KLRG1: variants seen among roughly 807,000 people sequenced by gnomAD.
KLRG1 encodes the protein killer cell lectin-like receptor subfamily G member 1.
KLRG1 carries 16 observed loss-of-function variants against 21.8 expected under a neutral mutation model. That is an observed-to-expected ratio of 0.73 (90% CI 0.50 to 1.11). The LOEUF (loss-of-function observed/expected upper bound fraction) is 1.11. KLRG1 is among the 50% of genes most tolerant of loss of function. The probability of loss-of-function intolerance (pLI) is 0.00; values close to 1 mark genes in which losing one functional copy is unlikely to be tolerated. For missense variants in KLRG1, 173 were observed against 218.3 expected, an observed-to-expected ratio of 0.79 and a Z score of 1.31; for synonymous variants, 69 against 75.9, an observed-to-expected ratio of 0.91 and a Z score of 0.47.
At chr12:8,960,356 A>G (rs1043210869) in intron 1 of KLRG1, among the ~76,000 whole-genome samples, 26 of 152,226 alleles carry the variant, frequency 1.7e-4, no homozygotes, top group Non-Finnish European at 1.5e-5. Flanking sequence ...ATAACTACAG[A>G]GGAATCCTCT....
At chr12:9,201,515 G>A in the KLRG1 span, among the ~76,000 whole-genome samples, 1 of 152,086 alleles carries the variant, frequency 6.6e-6, no homozygotes, top group Non-Finnish European at 1.5e-5. Flanking sequence ...ATAGTTCTAG[G>A]ATGAGCATAC....
chr12:8,997,044 C>A (rs1356192445), intron 3 of KLRG1, among the ~76,000 whole-genome samples: 1 of 152,130 alleles, frequency 6.6e-6, no homozygotes, highest in African/African-American at 2.4e-5. Context: ...GGGAAAATGG[C>A]AATATTTCTG....
chr12:9,123,777 AT>A, the KLRG1 span, among the ~76,000 whole-genome samples: 3 of 151,300 alleles, frequency 2.0e-5, no homozygotes, highest in Non-Finnish European at 4.4e-5. Context: ...CAATTAGAGT[AT>A]TTTCCTAGAT....
chr12:9,033,316 A>G, the KLRG1 span, among the ~76,000 whole-genome samples: 1 of 152,142 alleles, frequency 6.6e-6, no homozygotes, highest in Non-Finnish European at 1.5e-5. Flanking sequence ...AAGGTGGTTT[A>G]TATCTGTAGT....
At chr12:8,977,193 A>G (rs1428844650) in intron 1 of KLRG1, among the ~76,000 whole-genome samples, 1 of 144,344 alleles carries the variant, frequency 6.9e-6, no homozygotes, top group Admixed American at 7.4e-5. Context: ...TAGACATTGC[A>G]TCACTAGCTA....
chr12:9,209,425 A>G, the KLRG1 span, among the ~76,000 whole-genome samples: 3 of 151,938 alleles, frequency 2.0e-5, no homozygotes, highest in African/African-American at 7.3e-5. Flanking sequence ...TAAATTATGA[A>G]ATGTTATATA....
At chr12:9,069,894 C>T in the KLRG1 span, 1 of 1,140,674 alleles carries the variant, frequency 8.8e-7, no homozygotes, top group Non-Finnish European at 1.3e-6. Flanking sequence ...TTTGTATTGC[C>T]AAAATAACCC....
chr12:9,096,972 T>C, the KLRG1 span, among the ~76,000 whole-genome samples: 7 of 152,188 alleles, frequency 4.6e-5, no homozygotes, highest in Admixed American at 3.9e-4. Context: ...AAGTGTTTCA[T>C]TGGTAAGACA....
chr12:9,009,387 A>T lies in KLRG1; in HGVS notation c.459-39A>T, dbSNP rs745747801. 9.9e-6 allele frequency: 16 copies of T among 1,610,852 alleles called. No homozygotes were observed. In the Middle Eastern group the frequency reaches 8.2e-4, roughly 83 times the overall value. On this transcript the variant is annotated intron_variant, in intron 4 of 4. Coordinates refer to ENST00000356986, the MANE Select transcript of KLRG1 (RefSeq NM_005810.4). ...ATGCCTTTCAACTCCTTTTCTGTGCATGCGGCCTTAAGTGATTGACTTTTC... is the reference window on the plus strand; with the variant it reads ...ATGCCTTTCAACTCCTTTTCTGTGCTTGCGGCCTTAAGTGATTGACTTTTC...
chr12:9,074,834 T>C, the KLRG1 span: 2 of 1,535,382 alleles, frequency 1.3e-6, no homozygotes, highest in Non-Finnish European at 1.8e-6. Flanking sequence ...TTATATTTAA[T>C]TCAAGGTGAA....
chr12:9,080,300 C>T, the KLRG1 span: 17 of 532,774 alleles, frequency 3.2e-5, no homozygotes, highest in South Asian at 7.3e-5. Flanking sequence ...AAGTTGTCCG[C>T]CTTTAATACA....
chr12:8,982,924 G>A (rs1218358717), intron 1 of KLRG1, among the ~76,000 whole-genome samples: 1 of 151,936 alleles, frequency 6.6e-6, no homozygotes, highest in Non-Finnish European at 1.5e-5. Context: ...GGGATTACAG[G>A]TGTGAGCCAC....
At chr12:8,986,183 G>A (rs1198723273), upstream of KLRG1, among the ~76,000 whole-genome samples, 2 of 152,196 alleles carry the variant, frequency 1.3e-5, no homozygotes, top group African/African-American at 4.8e-5. Flanking sequence ...ATATTAGGGG[G>A]TACATGATAT....
At chr12:9,028,960 C>T in the KLRG1 span, 4 of 626,366 alleles carry the variant, frequency 6.4e-6, no homozygotes, top group Admixed American at 1.9e-5. Context: ...CTCATTACGG[C>T]ACAGTCCGTG....
chr12:8,974,070 A>G (rs1565539816), intron 1 of KLRG1, among the ~76,000 whole-genome samples: 1 of 152,034 alleles, frequency 6.6e-6, no homozygotes. Flanking sequence ...TAGGATATCC[A>G]GCACTATGTT....
chr12:9,022,750 C>T, the KLRG1 span, among the ~76,000 whole-genome samples: 1 of 152,000 alleles, frequency 6.6e-6, no homozygotes, highest in African/African-American at 2.4e-5. Flanking sequence ...TGTGCCACTC[C>T]TCAACTCCAG....
intron 1 of KLRG1, among the ~76,000 whole-genome samples, chr12:8,973,739 A>C (rs1444138598): frequency 6.6e-6 from 1 of 152,192 alleles, no homozygotes. Flanking sequence ...TTAATGTTTT[A>C]TAATTCTCAG....
chr12:9,215,463 G>A, the KLRG1 span, among the ~76,000 whole-genome samples: 1 of 151,792 alleles, frequency 6.6e-6, no homozygotes, highest in African/African-American at 2.4e-5. Context: ...TTTTAATTAC[G>A]TTTTTAATAA....
the KLRG1 span, chr12:9,201,216 G>C: frequency 7.5e-7 from 1 of 1,329,364 alleles, no homozygotes; most frequent in African/African-American, 1.5e-5. Context: ...GGAGTAGGAG[G>C]AATTCAGATC....
Sources: gnomAD v4.1 joint callset for allele counts (sites outside exome capture counted in the v4.1 genomes callset) on GRCh38, gnomAD v4.1.1 for gene constraint, MANE v1.5 for transcripts, NCBI Gene and HGNC (gene_info 2026-07-23, HGNC 2026-07-21) for gene names.